THRB: variants seen among roughly 807,000 people sequenced by gnomAD.
The protein encoded by THRB is thyroid hormone receptor beta, also known as nuclear receptor subfamily 1 group A member 2.
A neutral mutation model predicts 47.8 loss-of-function variants in THRB; 12 were observed. That is an observed-to-expected ratio of 0.25 (90% CI 0.16 to 0.41). The LOEUF is 0.41. Among genes scored for constraint, THRB ranks in the 10% least tolerant of loss-of-function variants. The pLI, the probability that THRB is intolerant of heterozygous loss-of-function variation, is 1.00. For synonymous variants in THRB, 218 were observed against 212.2 expected (o/e 1.03, Z -0.24); for missense variants, 348 against 589.2 (o/e 0.59, Z 4.24).
At chr3:24,350,194 C>A (rs1375670103) in intron 1 of THRB, among the ~76,000 whole-genome samples, 1 of 151,972 alleles carries the variant, frequency 6.6e-6, no homozygotes, top group Non-Finnish European at 1.5e-5. Context: ...ACCAGAATGG[C>A]TAAAATTAAA....
chr3:24,336,115 T>C (rs1405124409), intron 2 of THRB, among the ~76,000 whole-genome samples: 1 of 152,248 alleles, frequency 6.6e-6, no homozygotes, highest in African/African-American at 2.4e-5. Context: ...GTGATCTCTT[T>C]TTCTTGAACA....
At chr3:24,482,516 T>G (rs189865131) in intron 1 of THRB, among the ~76,000 whole-genome samples, 5 of 147,088 alleles carry the variant, frequency 3.4e-5, no homozygotes, top group South Asian at 4.4e-4. Flanking sequence ...TCATTCGTTC[T>G]TTCTTTCTTT....
chr3:24,429,976 G>C (rs1166986332), intron 1 of THRB: 1 of 152,002 alleles, frequency 6.6e-6, no homozygotes, highest in African/African-American at 2.4e-5. Context: ...AAAAAAAATT[G>C]TCAGTAGGAT....
At chr3:24,132,670 A>G (rs73825922) in intron 9 of THRB, among the ~76,000 whole-genome samples, 3,049 of 152,346 alleles carry the variant, frequency 0.02, 95 homozygotes, top group African/African-American at 0.07. Flanking sequence ...GGGAAAGTCG[A>G]AGAACTCCGG....
intron 1 of THRB, among the ~76,000 whole-genome samples, chr3:24,348,223 A>G (rs1476947213): frequency 6.6e-6 from 1 of 152,124 alleles, no homozygotes; most frequent in Non-Finnish European, 1.5e-5. Context: ...AAAAATGAAA[A>G]GCATCTGGTC....
At chr3:24,194,291 A>G (rs144980358) in intron 4 of THRB, among the ~76,000 whole-genome samples, 1 of 152,354 alleles carries the variant, frequency 6.6e-6, no homozygotes, top group Non-Finnish European at 1.5e-5. Context: ...AATTAAAAAT[A>G]AAAGCCTGTT....
At chr3:24,353,219 G>C (rs1225808739) in intron 1 of THRB, among the ~76,000 whole-genome samples, 1 of 151,718 alleles carries the variant, frequency 6.6e-6, no homozygotes, top group Admixed American at 6.6e-5. Flanking sequence ...TTTTCATGTG[G>C]GATGTGTAGA....
chr3:24,405,946 T>C (rs1044899470), intron 1 of THRB, among the ~76,000 whole-genome samples: 8 of 151,620 alleles, frequency 5.3e-5, no homozygotes, highest in African/African-American at 1.9e-4. Flanking sequence ...TTTCTTTTTA[T>C]ATTTAGTCCT....
At chr3:24,169,808 T>G (rs1326963351) in intron 5 of THRB, among the ~76,000 whole-genome samples, 6 of 150,238 alleles carry the variant, frequency 4.0e-5, no homozygotes, top group African/African-American at 1.5e-4. Context: ...ACCACCTGTT[T>G]CGTAAATAAA....
At chr3:24,170,795 A>C (rs996948959) in intron 5 of THRB, among the ~76,000 whole-genome samples, 1 of 152,106 alleles carries the variant, frequency 6.6e-6, no homozygotes, top group Non-Finnish European at 1.5e-5. Context: ...CTTCATATAC[A>C]TAACAACACT....
At chr3:24,370,839 G>A (rs180911495) in intron 1 of THRB, among the ~76,000 whole-genome samples, 119 of 152,220 alleles carry the variant, frequency 7.8e-4, no homozygotes, top group Non-Finnish European at 1.5e-3. Flanking sequence ...CACTACAATG[G>A]CATTGCTGGT....
chr3:24,234,797 G>A (rs538903536), intron 3 of THRB, among the ~76,000 whole-genome samples: 13 of 152,298 alleles, frequency 8.5e-5, no homozygotes, highest in South Asian at 6.2e-4. Context: ...TTTTTTCCAC[G>A]CCAGGGATGA....
intron 2 of THRB, among the ~76,000 whole-genome samples, chr3:24,312,643 T>A (rs1169261576): frequency 6.6e-6 from 1 of 152,138 alleles, no homozygotes; most frequent in African/African-American, 2.4e-5. Context: ...ATTCTTTTTT[T>A]CTCTATTGTA....
chr3:24,315,823 T>C (rs938956793), intron 2 of THRB, among the ~76,000 whole-genome samples: 2 of 152,252 alleles, frequency 1.3e-5, no homozygotes, highest in Non-Finnish European at 2.9e-5. Context: ...ATGCTGCTTA[T>C]AACTGGCACA....
chr3:24,343,460 C>T (rs977137107), intron 1 of THRB, among the ~76,000 whole-genome samples: 15 of 152,208 alleles, frequency 9.9e-5, no homozygotes, highest in African/African-American at 3.4e-4. Context: ...TGAACAGAAA[C>T]GAAACAAGCG....
chr3:24,250,778 G>T (rs916698085), intron 3 of THRB, among the ~76,000 whole-genome samples: 3 of 152,112 alleles, frequency 2.0e-5, no homozygotes, highest in Non-Finnish European at 2.9e-5. Context: ...CACAATAGTG[G>T]TTGTTTAACC....
rs112912799 is a variant in THRB, at chr3:24,375,452, G to T, written c.-260-38081C>A. 3.1e-3 allele frequency among the ~76,000 whole-genome samples: 426 copies of T among 136,144 alleles called. 14 individuals are homozygous for T. Among genetic ancestry groups the T allele is most frequent in the South Asian group, 8.8e-3 (38 of 4,298 alleles). 89.3% of individuals were successfully genotyped at this position (136,144 alleles called of 152,430 possible). On this transcript the variant is annotated intron_variant, in intron 1 of 10. Transcript: ENST00000646209. ...AGACATATAATATTAATATATTATA[G>T]TTAGACATATAATATTAATATATTA...
At chr3:24,431,867 GAATGAGAA>G (rs2070458358) in intron 1 of THRB, among the ~76,000 whole-genome samples, 1 of 151,992 alleles carries the variant, frequency 6.6e-6, no homozygotes, top group Admixed American at 6.6e-5. Flanking sequence ...ATACAAATAT[GAATGAGAA>G]AAGCAAGTTG....
intron 1 of THRB, 125 bp from the exon 2 acceptor site, chr3:24,337,496 A>C (rs770694748): frequency 6.6e-6 from 1 of 152,216 alleles, no homozygotes; most frequent in Non-Finnish European, 1.5e-5. Flanking sequence ...GCTATCTCTG[A>C]TTTTGAATAG....
Sources: gnomAD v4.1 joint callset for allele counts (sites outside exome capture counted in the v4.1 genomes callset) on GRCh38, gnomAD v4.1.1 for gene constraint, MANE v1.5 for transcripts, NCBI Gene and HGNC (gene_info 2026-07-23, HGNC 2026-07-21) for gene names.